DAP3: variants seen among roughly 807,000 people sequenced by gnomAD.
DAP3 encodes the protein death associated protein 3, also known as small ribosomal subunit protein mS29.
A neutral mutation model predicts 51.9 loss-of-function variants in DAP3; 28 were observed. The ratio of observed to expected loss-of-function variants is 0.54; its 90% confidence interval spans 0.40 to 0.74. The LOEUF (loss-of-function observed/expected upper bound fraction) is 0.74, where lower values mean the gene tolerates loss of function less well. Ranked by LOEUF, DAP3 falls within the 30% of genes least tolerant of loss-of-function variation. DAP3 has a pLI of 0.00. For missense variants in DAP3, 458 were observed against 483.5 expected, an observed-to-expected ratio of 0.95 and a Z score of 0.49; for synonymous variants, 170 against 170.3, an observed-to-expected ratio of 1.00 and a Z score of 0.01.
chr1:155,721,230 G>T (rs1657962377), intron 3 of DAP3, among the ~76,000 whole-genome samples: 1 of 151,788 alleles, frequency 6.6e-6, no homozygotes, highest in African/African-American at 2.4e-5. Flanking sequence ...CTACTGGGAG[G>T]CTGAGGTAGG....
chr1:155,700,801 T>G (rs1571443653), intron 1 of DAP3, among the ~76,000 whole-genome samples: 2 of 116,096 alleles, frequency 1.7e-5, no homozygotes, highest in Non-Finnish European at 1.8e-5. Context: ...GGGGTGCCTC[T>G]GCCCGGCCGC....
At chr1:155,727,979 C>G (rs964908650) in intron 7 of DAP3, among the ~76,000 whole-genome samples, 5 of 151,872 alleles carry the variant, frequency 3.3e-5, no homozygotes, top group African/African-American at 9.7e-5. Context: ...CCAGTTGATT[C>G]ATTGACTTTT....
At chr1:155,723,578 C>T (rs1042570252) in intron 4 of DAP3, among the ~76,000 whole-genome samples, 1 of 151,930 alleles carries the variant, frequency 6.6e-6, no homozygotes, top group Admixed American at 6.6e-5. Flanking sequence ...ATCCACCTGT[C>T]TTGGCCTCCC....
At chr1:155,705,620 A>G (rs1036649437) in intron 1 of DAP3, among the ~76,000 whole-genome samples, 13 of 150,444 alleles carry the variant, frequency 8.6e-5, no homozygotes, top group Admixed American at 4.6e-4. Flanking sequence ...AAAAGAAAGA[A>G]AAAAAAAACA....
At chr1:155,704,977 T>A (rs1655763704) in intron 1 of DAP3, among the ~76,000 whole-genome samples, 1 of 152,020 alleles carries the variant, frequency 6.6e-6, no homozygotes, top group Admixed American at 6.6e-5. Context: ...ATATTCCATC[T>A]CAGAAATAAA....
At chr1:155,718,713 T>C (rs748362828) in intron 3 of DAP3, among the ~76,000 whole-genome samples, 2 of 100,796 alleles carry the variant, frequency 2.0e-5, no homozygotes, top group African/African-American at 6.8e-5. Flanking sequence ...GAAAGATAGA[T>C]AGATAGATAG....
At chr1:155,735,123 A>AG in intron 11 of DAP3, among the ~76,000 whole-genome samples, 1 of 149,032 alleles carries the variant, frequency 6.7e-6, no homozygotes, top group South Asian at 2.1e-4. Flanking sequence ...AAAAAAAAAA[A>AG]GAAAAAAAAA....
intron 1 of DAP3, chr1:155,709,105 C>T (rs575228062): frequency 6.6e-6 from 1 of 152,268 alleles, no homozygotes; most frequent in East Asian, 1.9e-4. Context: ...ACCTTGACCT[C>T]CCAAAGTGCT....
intron 2 of DAP3, among the ~76,000 whole-genome samples, chr1:155,711,150 A>G (rs867569159): frequency 1.3e-5 from 2 of 152,144 alleles, no homozygotes; most frequent in Non-Finnish European, 2.9e-5. Flanking sequence ...AAGGATCAGC[A>G]GAGGGATGGA....
chr1:155,688,736 C>T (rs1195677249), upstream of DAP3: 4 of 1,517,146 alleles, frequency 2.6e-6, no homozygotes, highest in East Asian at 2.4e-5. Flanking sequence ...CGGCCACCAA[C>T]CGCCGCCAAA....
intron 1 of DAP3, among the ~76,000 whole-genome samples, chr1:155,689,925 ACACG>A (rs1213534273): frequency 6.6e-6 from 1 of 151,958 alleles, no homozygotes; most frequent in East Asian, 1.9e-4. Context: ...ACACACACAC[ACACG>A]AAATAATAAT....
At chr1:155,711,508 A>T (rs924369928) in intron 2 of DAP3, among the ~76,000 whole-genome samples, 2 of 151,760 alleles carry the variant, frequency 1.3e-5, no homozygotes, top group African/African-American at 4.8e-5. Context: ...AAAAAAAAAA[A>T]TTTCCTCTTT....
intron 6 of DAP3, chr1:155,726,297 T>C (rs2149186454): frequency 5.0e-6 from 1 of 201,084 alleles, no homozygotes; most frequent in African/African-American, 2.4e-5. Flanking sequence ...TTTTTTTTTT[T>C]TTTTTTTTTG....
intron 11 of DAP3, among the ~76,000 whole-genome samples, chr1:155,734,089 C>G (rs1165935091): frequency 6.6e-6 from 1 of 152,096 alleles, no homozygotes; most frequent in East Asian, 1.9e-4. Flanking sequence ...CCCGGGAGGT[C>G]AAGGCTGTAG....
rs776111877 is a variant in DAP3 at position 155,721,633 on chromosome 1, G to T, written c.270+15G>T. ...TTGTGATGCAGGTGCTCAAGACAGG[G>T]AATGGAATTGGAGGGAGCCCAGAAT... is the stretch of plus-strand genomic sequence containing the variant. On this transcript the variant is annotated intron_variant, in intron 4 of 12. Transcript: ENST00000368336. The T allele has an allele frequency of 1.2e-6, 2 of 1,613,482 alleles. No homozygotes were observed. Among genetic ancestry groups the T allele is most frequent in the Non-Finnish European group, 1.7e-6 (2 of 1,179,486 alleles).
intron 4 of DAP3, 58 bp from the exon 5 acceptor site, chr1:155,725,324 A>AC (rs1658449345): frequency 6.8e-7 from 1 of 1,470,374 alleles, no homozygotes; most frequent in South Asian, 1.1e-5. Context: ...TATATATACC[A>AC]CCCCCCACCC....
chr1:155,736,841 T>C (rs1035310880), intron 11 of DAP3, 105 bp from the exon 12 acceptor site: 7 of 924,782 alleles, frequency 7.6e-6, no homozygotes, highest in Non-Finnish European at 1.2e-5. Flanking sequence ...TAGAGTTACA[T>C]AGAAGAAAAA....
At chr1:155,705,630 A>G (rs1272788224) in intron 1 of DAP3, among the ~76,000 whole-genome samples, 1 of 150,932 alleles carries the variant, frequency 6.6e-6, no homozygotes, top group African/African-American at 2.4e-5. Flanking sequence ...AAAAAAAAAC[A>G]GAAAGGAAAT....
chr1:155,689,123 C>T lies in DAP3; in HGVS notation c.-59C>T, dbSNP rs181055129. 8.3e-6 allele frequency: 9 copies of T among 1,077,904 alleles called. No individual in the cohort carries two copies. Among genetic ancestry groups the T allele is most frequent in the East Asian group, 5.1e-5 (2 of 38,950 alleles). The allele number at this position is 1,077,904 out of a possible 1,614,324, so 66.8% of individuals were successfully genotyped here. ...CAGGACGGGCGCTTTGGAGCCGGCC[C>T]CAGGCAGCGTGTGTCGGTCGCCTAG... is the stretch of plus-strand genomic sequence containing the variant. On this transcript the variant is annotated 5_prime_UTR_variant, in exon 1 of 13. Coordinates refer to ENST00000368336, the MANE Select transcript of DAP3 (RefSeq NM_004632.4).
Sources: allele counts gnomAD v4.1 joint callset (sites outside exome capture counted in the v4.1 genomes callset), GRCh38; gene constraint gnomAD v4.1.1; transcripts MANE v1.5; gene names NCBI Gene and HGNC (gene_info 2026-07-23, HGNC 2026-07-21).